Variants in GALNTL6 observed in about 807,000 individuals in gnomAD.
The protein encoded by GALNTL6 is polypeptide N-acetylgalactosaminyltransferase-like 6.
In GALNTL6, 46 loss-of-function variants were observed where a neutral mutation model predicts 73.7. That is an observed-to-expected ratio of 0.62 (90% confidence interval 0.49 to 0.80). GALNTL6 has a LOEUF of 0.80. Ranked by LOEUF, GALNTL6 falls within the 30% of genes least tolerant of loss-of-function variation. GALNTL6 has a pLI of 0.00. For missense variants in GALNTL6, 604 were observed against 755.0 expected (o/e 0.80, Z 2.34); for synonymous variants, 259 against 263.7 (o/e 0.98, Z 0.17).
At chr4:172,285,639 C>T (rs1419864207) in intron 3 of GALNTL6, among the ~76,000 whole-genome samples, 4 of 152,124 alleles carry the variant, frequency 2.6e-5, no homozygotes, top group Admixed American at 2.6e-4. Context: ...GATGAGGAGC[C>T]CCTACCCACC....
At chr4:172,228,724 GA>G (rs1736952179) in intron 2 of GALNTL6, among the ~76,000 whole-genome samples, 1 of 152,094 alleles carries the variant, frequency 6.6e-6, no homozygotes, top group South Asian at 2.1e-4. Flanking sequence ...AATAGCATGT[GA>G]ATTTGAAAAC....
At chr4:172,822,655 C>T (rs1362461472) in intron 7 of GALNTL6, among the ~76,000 whole-genome samples, 6 of 152,176 alleles carry the variant, frequency 3.9e-5, no homozygotes, top group Non-Finnish European at 8.8e-5. Context: ...TCATGCCAAC[C>T]ACCCCTAGAC....
At chr4:172,365,785 G>C (rs1251804150) in intron 5 of GALNTL6, among the ~76,000 whole-genome samples, 2 of 151,814 alleles carry the variant, frequency 1.3e-5, no homozygotes, top group African/African-American at 4.8e-5. Context: ...AGGTCCTAGA[G>C]TTCTGTTAAT....
At chr4:172,609,140 C>T (rs72704875) in intron 5 of GALNTL6, among the ~76,000 whole-genome samples, 4,943 of 152,120 alleles carry the variant, frequency 0.032, 113 homozygotes, top group Non-Finnish European at 0.053. Context: ...CTTTCTCTTG[C>T]CTGATTGCTC....
chr4:172,918,646 C>T (rs1022294387), intron 8 of GALNTL6, among the ~76,000 whole-genome samples: 1 of 152,124 alleles, frequency 6.6e-6, no homozygotes, highest in Non-Finnish European at 1.5e-5. Context: ...CCCCAACATA[C>T]CGGAAAAATA....
chr4:171,965,355 T>C (rs571305972), intron 2 of GALNTL6, among the ~76,000 whole-genome samples: 2 of 152,156 alleles, frequency 1.3e-5, no homozygotes, highest in South Asian at 4.1e-4. Flanking sequence ...GACCTATTAC[T>C]CAAAAGAAGA....
chr4:172,572,356 G>A (rs1316413268), intron 5 of GALNTL6, among the ~76,000 whole-genome samples: 7 of 152,120 alleles, frequency 4.6e-5, no homozygotes, highest in Admixed American at 2.0e-4. Flanking sequence ...ACTCTGAAAC[G>A]TAATGAGAAA....
chr4:172,184,496 C>G (rs565311565), intron 2 of GALNTL6, among the ~76,000 whole-genome samples: 5 of 152,044 alleles, frequency 3.3e-5, no homozygotes, highest in Non-Finnish European at 7.4e-5. Flanking sequence ...GTAAAATCAT[C>G]CTTTTTGATA....
chr4:171,843,980 TTAC>T (rs1269403817), intron 2 of GALNTL6, among the ~76,000 whole-genome samples: 1 of 152,164 alleles, frequency 6.6e-6, no homozygotes, highest in Admixed American at 6.6e-5. Context: ...ATATTGAAGA[TTAC>T]TAACTTCAAA....
intron 2 of GALNTL6, among the ~76,000 whole-genome samples, chr4:172,072,865 A>G (rs755807709): frequency 5.3e-5 from 8 of 152,324 alleles, no homozygotes; most frequent in Non-Finnish European, 8.8e-5. Context: ...TTTATACAGC[A>G]TAGAAGATTT....
intron 5 of GALNTL6, among the ~76,000 whole-genome samples, chr4:172,646,757 T>C (rs1434338627): frequency 1.3e-5 from 2 of 152,030 alleles, no homozygotes; most frequent in Admixed American, 6.6e-5. Context: ...GTTCTTCAAG[T>C]AAAGCTGTGA....
intron 5 of GALNTL6, among the ~76,000 whole-genome samples, chr4:172,502,684 A>G (rs1310026767): frequency 6.6e-6 from 1 of 152,254 alleles, no homozygotes; most frequent in Non-Finnish European, 1.5e-5. Context: ...TAATAAGGCA[A>G]AAACTACCTT....
intron 5 of GALNTL6, among the ~76,000 whole-genome samples, chr4:172,529,665 A>ATTTG (rs1043469257): frequency 1.5e-5 from 2 of 133,910 alleles, no homozygotes; most frequent in African/African-American, 6.0e-5. Context: ...GGAGTACCTA[A>ATTTG]TTTGTTTGTT....
At chr4:172,314,341 AT>A (rs1167596565) in intron 4 of GALNTL6, among the ~76,000 whole-genome samples, 3 of 152,184 alleles carry the variant, frequency 2.0e-5, no homozygotes, top group Non-Finnish European at 2.9e-5. Flanking sequence ...TTATTCTAGG[AT>A]TTTGCAATGG....
chr4:172,699,153 C>A (rs1458658894), intron 5 of GALNTL6, among the ~76,000 whole-genome samples: 1 of 152,062 alleles, frequency 6.6e-6, no homozygotes, highest in African/African-American at 2.4e-5. Flanking sequence ...CTTAATCTTA[C>A]TCATGAAGGC....
At chr4:173,005,432 C>G (rs1364128772) in intron 10 of GALNTL6, among the ~76,000 whole-genome samples, 1 of 151,988 alleles carries the variant, frequency 6.6e-6, no homozygotes, top group Non-Finnish European at 1.5e-5. Flanking sequence ...AAGTTTGGGC[C>G]CATGTGTATG....
At chr4:172,116,332 T>C (rs956693941) in intron 2 of GALNTL6, among the ~76,000 whole-genome samples, 1 of 152,186 alleles carries the variant, frequency 6.6e-6, no homozygotes, top group African/African-American at 2.4e-5. Flanking sequence ...TATTGCTCTG[T>C]AATAAATTTT....
intron 5 of GALNTL6, among the ~76,000 whole-genome samples, chr4:172,673,377 T>C (rs1056152404): frequency 2.0e-5 from 3 of 152,232 alleles, no homozygotes; most frequent in African/African-American, 7.2e-5. Flanking sequence ...TTGCTGAGAA[T>C]GTTTTACTTC....
intron 5 of GALNTL6, among the ~76,000 whole-genome samples, chr4:172,431,229 T>C (rs1317726098): frequency 6.6e-6 from 1 of 152,148 alleles, no homozygotes; most frequent in Non-Finnish European, 1.5e-5. Context: ...ATTCTAATTA[T>C]ACCAATAACT....
Sources: allele counts gnomAD v4.1 joint callset (sites outside exome capture counted in the v4.1 genomes callset), GRCh38; gene constraint gnomAD v4.1.1; transcripts MANE v1.5; gene names NCBI Gene and HGNC (gene_info 2026-07-23, HGNC 2026-07-21).